ACYP2: variants seen among roughly 807,000 people sequenced by gnomAD.
ACYP2 encodes acylphosphatase 2, also known as acylphosphatase-2.
Under a neutral mutation model 11.2 loss-of-function variants are expected in ACYP2, and 12 were observed. The ratio of observed to expected loss-of-function variants is 1.08; its 90% confidence interval spans 0.69 to 1.74. The LOEUF (loss-of-function observed/expected upper bound fraction) is 1.74, where lower values mean the gene tolerates loss of function less well. Among genes scored for constraint, ACYP2 ranks in the 40% most tolerant of loss-of-function variants. The pLI is 0.00. For synonymous variants in ACYP2, 43 were observed against 32.2 expected, an observed-to-expected ratio of 1.33 and a Z score of -1.13; for missense variants, 134 against 101.9, an observed-to-expected ratio of 1.31 and a Z score of -1.35.
chr2:54,033,719 A>G (rs866317067), intron 2 of ACYP2, among the ~76,000 whole-genome samples: 2 of 152,218 alleles, frequency 1.3e-5, no homozygotes, highest in East Asian at 3.8e-4. Context: ...AATGTGGAGA[A>G]CAGACTGCAA....
At chr2:54,015,699 C>T (rs1224895710) in intron 2 of ACYP2, among the ~76,000 whole-genome samples, 1 of 151,404 alleles carries the variant, frequency 6.6e-6, no homozygotes, top group African/African-American at 2.4e-5. Flanking sequence ...GGCAGAATCT[C>T]AGCCTGTGCC....
At position 54,140,670 on chromosome 2, in the gene ACYP2, C is replaced by T. The variant is rs181588842; in HGVS notation, c.404+1922C>T. On this transcript the variant is annotated intron_variant, in intron 6 of 6. Coordinates refer to ENST00000607452, the MANE Select transcript of ACYP2 (RefSeq NM_001320586.2). The stretch of plus-strand genomic sequence containing the variant: ...AAAGATACATCCAGGAAAATCCTTT[C>T]AAGTCGAATGGTAATCTCTAATTCA... Among the ~76,000 whole-genome samples the T allele has an allele frequency of 2.0e-5, 3 of 152,240 alleles. No individual in the cohort carries two copies. The East Asian group carries it at 5.8e-4, about 29-fold the overall frequency.
intron 6 of ACYP2, among the ~76,000 whole-genome samples, chr2:54,182,443 G>A (rs900704048): frequency 1.3e-5 from 2 of 152,164 alleles, no homozygotes; most frequent in Non-Finnish European, 2.9e-5. Context: ...CCAGGCTCAA[G>A]CACTTCTCTC....
rs546773417 is a variant in ACYP2, at chr2:54,168,850, T to C, written c.404+30102T>C. Among the ~76,000 whole-genome samples, 12 of 152,346 alleles carry C rather than the reference T, an allele frequency of 7.9e-5. No individual in the cohort carries two copies. The South Asian group carries it at 2.3e-3, about 29-fold the overall frequency. On this transcript the variant is annotated intron_variant, in intron 6 of 6. Coordinates refer to ENST00000607452, the MANE Select transcript of ACYP2 (RefSeq NM_001320586.2). ...AGAAATAGAATTTTAAGCATTGCCA[T>C]TTTCTGGATAGCTGAGGATGACAAA...
intron 6 of ACYP2, among the ~76,000 whole-genome samples, chr2:54,181,827 G>C (rs766415860): frequency 6.6e-6 from 1 of 152,024 alleles, no homozygotes; most frequent in Non-Finnish European, 1.5e-5. Context: ...CTGACTAGTA[G>C]TAATGAATTT....
intron 6 of ACYP2, among the ~76,000 whole-genome samples, chr2:54,290,128 CTTG>C (rs972084824): frequency 6.6e-6 from 1 of 152,066 alleles, no homozygotes; most frequent in Non-Finnish European, 1.5e-5. Flanking sequence ...CCTTTGAGGA[CTTG>C]CACATTCCTC....
intron 6 of ACYP2, among the ~76,000 whole-genome samples, chr2:54,193,293 C>A (rs912006428): frequency 1.3e-5 from 2 of 152,158 alleles, no homozygotes; most frequent in African/African-American, 4.8e-5. Context: ...GTATCTGTTA[C>A]CACATTAATA....
intron 4 of ACYP2, among the ~76,000 whole-genome samples, chr2:54,106,880 G>C (rs971933245): frequency 6.6e-6 from 1 of 152,040 alleles, no homozygotes; most frequent in East Asian, 1.9e-4. Flanking sequence ...CACCATGCCC[G>C]GCCAAATTTT....
chr2:54,150,827 C>T (rs895722288), intron 6 of ACYP2, among the ~76,000 whole-genome samples: 16 of 148,798 alleles, frequency 1.1e-4, no homozygotes, highest in South Asian at 8.6e-4. Flanking sequence ...CTGCAAGCTC[C>T]GCCTCCCGGG....
intron 6 of ACYP2, chr2:54,255,442 T>C (rs1262502909): frequency 1.1e-5 from 17 of 1,613,904 alleles, no homozygotes; most frequent in Non-Finnish European, 1.4e-5. Context: ...CTGCTCCAGG[T>C]AGTATTCATG....
chr2:54,192,915 A>G lies in ACYP2; in HGVS notation c.404+54167A>G, dbSNP rs1487321694. The stretch of plus-strand genomic sequence containing the variant: ...ACTATCTGGAGAACAGCATGGGGGA[A>G]ACTACCCCCATGATTCAGTTACCTC... On this transcript the variant is annotated intron_variant, in intron 6 of 6. Coordinates refer to ENST00000607452, the MANE Select transcript of ACYP2 (RefSeq NM_001320586.2). 2.0e-5 allele frequency among the ~76,000 whole-genome samples: 3 copies of G among 152,128 alleles called. No individual in the cohort carries two copies. In the East Asian group the frequency reaches 5.8e-4, roughly 29 times the overall value.
intron 6 of ACYP2, among the ~76,000 whole-genome samples, chr2:54,226,934 T>C (rs887132087): frequency 2.6e-5 from 4 of 152,216 alleles, no homozygotes; most frequent in Admixed American, 2.6e-4. Flanking sequence ...TTTTCCTAAA[T>C]AGATTTAAAA....
intron 4 of ACYP2, among the ~76,000 whole-genome samples, chr2:54,064,712 A>G (rs1572677708): frequency 6.6e-6 from 1 of 152,204 alleles, no homozygotes; most frequent in Non-Finnish European, 1.5e-5. Context: ...TTAAGCTGCA[A>G]GAATGATGCG....
chr2:54,011,689 C>T (rs879873262), intron 2 of ACYP2, among the ~76,000 whole-genome samples: 5 of 152,128 alleles, frequency 3.3e-5, no homozygotes, highest in Admixed American at 3.3e-4. Context: ...CAAATTGGGA[C>T]ACATCAGTGT....
At chr2:54,090,894 A>G (rs1032727515) in intron 4 of ACYP2, among the ~76,000 whole-genome samples, 1 of 152,094 alleles carries the variant, frequency 6.6e-6, no homozygotes, top group African/African-American at 2.4e-5. Flanking sequence ...CCTGTTTTCC[A>G]TGTATTTGGA....
At chr2:53,972,803 C>T (rs1419287152) in intron 1 of ACYP2, among the ~76,000 whole-genome samples, 2 of 152,124 alleles carry the variant, frequency 1.3e-5, no homozygotes, top group Non-Finnish European at 2.9e-5. Context: ...GACAAGACGA[C>T]GCTGGGTAGA....
intron 6 of ACYP2, among the ~76,000 whole-genome samples, chr2:54,242,046 A>G (rs1438689062): frequency 6.6e-6 from 1 of 152,228 alleles, no homozygotes; most frequent in South Asian, 2.1e-4. Flanking sequence ...AAATAATAGC[A>G]TATGGGAGAA....
intron 6 of ACYP2, among the ~76,000 whole-genome samples, chr2:54,216,883 A>G (rs1425173501): frequency 6.6e-6 from 1 of 152,176 alleles, no homozygotes; most frequent in East Asian, 1.9e-4. Flanking sequence ...CATTCTTGTT[A>G]AGTTTATTTT....
At chr2:54,266,097 C>T (rs1381689080) in intron 6 of ACYP2, among the ~76,000 whole-genome samples, 1 of 152,164 alleles carries the variant, frequency 6.6e-6, no homozygotes. Flanking sequence ...TCTAAATCAA[C>T]TCTTGGGTCA....
Sources: gnomAD v4.1 joint callset for allele counts (sites outside exome capture counted in the v4.1 genomes callset) on GRCh38, gnomAD v4.1.1 for gene constraint, MANE v1.5 for transcripts, NCBI Gene and HGNC (gene_info 2026-07-23, HGNC 2026-07-21) for gene names.